SLC25A26: variants seen among roughly 807,000 people sequenced by gnomAD.
SLC25A26 encodes the protein mitochondrial S-adenosylmethionine carrier protein.
SLC25A26 carries 36 observed loss-of-function variants against 37.8 expected under a neutral mutation model. The ratio of observed to expected loss-of-function variants is 0.95; its 90% confidence interval spans 0.73 to 1.26. SLC25A26 has a LOEUF of 1.26. Among genes scored for constraint, SLC25A26 ranks in the 50% most tolerant of loss-of-function variants. SLC25A26 has a pLI of 0.00. For missense variants in SLC25A26, 390 were observed against 331.1 expected (o/e 1.18, Z -1.38); for synonymous variants, 129 against 122.5 (o/e 1.05, Z -0.35).
At chr3:66,219,004 C>T (rs1401706287), upstream of SLC25A26, among the ~76,000 whole-genome samples, 5 of 152,294 alleles carry the variant, frequency 3.3e-5, no homozygotes, top group East Asian at 1.9e-4. Flanking sequence ...AGAAGTTTAT[C>T]GTTGCTTTAG....
At chr3:66,171,825 G>C (rs753308324) in intron 1 of SLC25A26, among the ~76,000 whole-genome samples, 18 of 152,170 alleles carry the variant, frequency 1.2e-4, no homozygotes, top group Non-Finnish European at 1.8e-4. Context: ...TTAAATGTTT[G>C]TAGAGCAGCT....
intron 6 of SLC25A26, among the ~76,000 whole-genome samples, chr3:66,358,878 A>T (rs913715389): frequency 2.6e-5 from 4 of 152,218 alleles, no homozygotes; most frequent in African/African-American, 4.8e-5. Context: ...AAAGTGCTTC[A>T]CACCTGGAAT....
intron 1 of SLC25A26, among the ~76,000 whole-genome samples, chr3:66,187,481 T>C (rs1398251250): frequency 6.6e-6 from 1 of 152,072 alleles, no homozygotes; most frequent in Non-Finnish European, 1.5e-5. Context: ...CTTATCCTTA[T>C]AGTAATCCTC....
At chr3:66,330,701 G>A (rs904639855) in intron 5 of SLC25A26, among the ~76,000 whole-genome samples, 10 of 151,874 alleles carry the variant, frequency 6.6e-5, no homozygotes, top group African/African-American at 2.4e-4. Context: ...GTAAACTGCT[G>A]AAACATCCAC....
intron 7 of SLC25A26, 92 bp from the exon 8 acceptor site, chr3:66,369,383 TGAC>T (rs1309442710): frequency 1.3e-5 from 13 of 1,001,424 alleles, no homozygotes; most frequent in African/African-American, 4.8e-5. Flanking sequence ...GTGTACATAA[TGAC>T]GAAGTGATTT....
intron 6 of SLC25A26, among the ~76,000 whole-genome samples, chr3:66,358,062 T>C (rs1448593072): frequency 1.3e-5 from 2 of 152,230 alleles, no homozygotes; most frequent in African/African-American, 4.8e-5. Flanking sequence ...ATAATTTATA[T>C]TGTTACCTGT....
intron 1 of SLC25A26, among the ~76,000 whole-genome samples, chr3:66,186,304 C>A (rs1311524551): frequency 5.9e-5 from 9 of 152,010 alleles, no homozygotes; most frequent in Admixed American, 1.3e-4. Flanking sequence ...TCACTCTGAC[C>A]CTGACCCTAA....
At chr3:66,324,217 T>C in intron 5 of SLC25A26, 1 of 147,104 alleles carries the variant, frequency 6.8e-6, no homozygotes, top group Non-Finnish European at 1.5e-5. Flanking sequence ...TGTGTGTGTG[T>C]GTGTGTGTGT....
At chr3:66,192,586 T>C (rs887516126) in intron 1 of SLC25A26, among the ~76,000 whole-genome samples, 12 of 152,240 alleles carry the variant, frequency 7.9e-5, no homozygotes, top group Middle Eastern at 6.8e-3. Context: ...TGAATCTAAG[T>C]AGTAGTATTA....
At chr3:66,192,523 A>G (rs2070966252) in intron 1 of SLC25A26, among the ~76,000 whole-genome samples, 1 of 152,136 alleles carries the variant, frequency 6.6e-6, no homozygotes, top group African/African-American at 2.4e-5. Context: ...CACTCAGTCT[A>G]CGGTATTCTG....
At chr3:66,164,249 G>C (rs1300601559) in intron 1 of SLC25A26, among the ~76,000 whole-genome samples, 32 of 152,120 alleles carry the variant, frequency 2.1e-4, no homozygotes, top group Admixed American at 2.1e-3. Flanking sequence ...ATTTTCTCTT[G>C]TAACAAACAT....
chr3:66,220,144 T>G (rs151260634), upstream of SLC25A26, among the ~76,000 whole-genome samples: 5,369 of 152,318 alleles, frequency 0.035, 123 homozygotes, highest in Non-Finnish European at 0.054. Context: ...TTTCAGTGCT[T>G]GCTCTGCTGT....
intron 1 of SLC25A26, among the ~76,000 whole-genome samples, chr3:66,194,793 G>T (rs1379191946): frequency 1.3e-5 from 2 of 152,210 alleles, no homozygotes; most frequent in Non-Finnish European, 2.9e-5. Context: ...TAGAGACGGG[G>T]TTTCTTCGTG....
At chr3:66,224,756 C>T (rs1460480266) in intron 1 of SLC25A26, among the ~76,000 whole-genome samples, 5 of 152,180 alleles carry the variant, frequency 3.3e-5, no homozygotes, top group African/African-American at 1.2e-4. Context: ...GCCTATGAGC[C>T]TGTAAAATGA....
chr3:66,305,589 A>G (rs909133941), intron 5 of SLC25A26, among the ~76,000 whole-genome samples: 1 of 152,116 alleles, frequency 6.6e-6, no homozygotes, highest in Non-Finnish European at 1.5e-5. Flanking sequence ...TGCATTAGCC[A>G]TCTTTCCTAA....
intron 1 of SLC25A26, among the ~76,000 whole-genome samples, chr3:66,207,072 C>G (rs1421329522): frequency 6.6e-6 from 1 of 151,836 alleles, no homozygotes; most frequent in African/African-American, 2.4e-5. Context: ...CGATCAGACT[C>G]AAAAGACTCG....
chr3:66,348,744 CGTA>C (rs1407108795), intron 6 of SLC25A26, among the ~76,000 whole-genome samples: 1 of 152,116 alleles, frequency 6.6e-6, no homozygotes, highest in African/African-American at 2.4e-5. Flanking sequence ...GATTTTAAGG[CGTA>C]GTATTGCTCA....
At chr3:66,140,654 T>C (rs1421393635) in intron 1 of SLC25A26, among the ~76,000 whole-genome samples, 1 of 152,202 alleles carries the variant, frequency 6.6e-6, no homozygotes, top group Non-Finnish European at 1.5e-5. Flanking sequence ...GACTAGCAAA[T>C]ATTCTTCATA....
At chr3:66,137,559 A>G in intron 1 of SLC25A26, among the ~76,000 whole-genome samples, 1 of 152,192 alleles carries the variant, frequency 6.6e-6, no homozygotes, top group East Asian at 1.9e-4. Flanking sequence ...CCCAACCTGC[A>G]GAACTGTGAG....
Sources: gnomAD v4.1 joint callset for allele counts (sites outside exome capture counted in the v4.1 genomes callset) on GRCh38, gnomAD v4.1.1 for gene constraint, MANE v1.5 for transcripts, NCBI Gene and HGNC (gene_info 2026-07-23, HGNC 2026-07-21) for gene names.